Variants in HAUS6 observed in about 807,000 individuals in gnomAD.
HAUS6 encodes the protein HAUS augmin-like complex subunit 6.
A neutral mutation model predicts 106.8 loss-of-function variants in HAUS6; 80 were observed. The ratio of observed to expected loss-of-function variants is 0.75; its 90% CI spans 0.63 to 0.90. The LOEUF is 0.90. Among genes scored for constraint, HAUS6 ranks in the 40% least tolerant of loss-of-function variants. The probability of loss-of-function intolerance (pLI) is 0.00; values close to 1 mark genes in which losing one functional copy is unlikely to be tolerated. For synonymous variants in HAUS6, 356 were observed against 379.1 expected, an observed-to-expected ratio of 0.94 and a Z score of 0.71; for missense variants, 1,155 against 1,118.1, an observed-to-expected ratio of 1.03 and a Z score of -0.47.
chr9:19,060,431 T>C (rs988685822), intron 14 of HAUS6, among the ~76,000 whole-genome samples: 3 of 152,212 alleles, frequency 2.0e-5, no homozygotes, highest in Non-Finnish European at 1.5e-5. Flanking sequence ...CACTGAAGTA[T>C]TTCCTCATCT....
Position 19,058,997 on chromosome 9 carries a change from A to C in HAUS6, c.1770T>G (p.Thr590=). 1 of 1,560,214 alleles carries C rather than the reference A, an allele frequency of 6.4e-7. No individual in the cohort carries two copies. The highest frequency in any genetic ancestry group is 8.8e-7 in the Non-Finnish European group (1 of 1,135,706). The stretch of plus-strand genomic sequence containing the variant: ...CTTTTCTCCATGAGCTCCTAATTTC[A>C]GTTACTAATTAAAGGGGAGAAAAAC... ...QIPRTPENLI[T]EIRSSWRKAI... is the part of the protein sequence containing the mutation. Residue 590 remains threonine, a synonymous_variant, in exon 16 of 17, where the codon ACT becomes ACG. Transcript: ENST00000380502.
intron 7 of HAUS6, among the ~76,000 whole-genome samples, chr9:19,084,630 TTTTTC>T (rs990357825): frequency 6.9e-6 from 1 of 144,594 alleles, no homozygotes; most frequent in Non-Finnish European, 1.5e-5. Context: ...CTTTTTTTCT[TTTTTC>T]TTTTTTTTTT....
In HAUS6 at chr9:19,102,626, A is replaced by C. The variant is rs1486473106; in HGVS notation, c.26T>G (p.Phe9Cys). The change falls in exon 1 of 17, where the codon TTC (phenylalanine) becomes TGC (cysteine). Residue 9 changes from phenylalanine (F) to cysteine (C), a missense_variant. By Grantham distance (205) the Phe-to-Cys change is radical. Coordinates refer to ENST00000380502, the MANE Select transcript of HAUS6 (RefSeq NM_017645.5). MSSASVTAFEKEHLWMYLQ... is the reference protein window; with the variant it reads MSSASVTACEKEHLWMYLQ... ...ATACATCCAGAGATGCTCCTTCTCG[A>C]AAGCGGTGACCGAGGCCGAGCTCAT... 6.2e-7 allele frequency: 1 copy of C among 1,612,794 alleles called. No individual in the cohort carries two copies. Among genetic ancestry groups the C allele is most frequent in the Non-Finnish European group, 8.5e-7 (1 of 1,179,456 alleles).
chr9:19,092,929 AAAAAG>A (rs1179870550), intron 4 of HAUS6, among the ~76,000 whole-genome samples: 1 of 151,750 alleles, frequency 6.6e-6, no homozygotes, highest in Non-Finnish European at 1.5e-5. Flanking sequence ...AAAAAAAAAA[AAAAAG>A]AAATGTTTCC....
In HAUS6 at chr9:19,097,030, G is replaced by C. The variant is rs192267192; in HGVS notation, c.129-261C>G. 2.6e-5 allele frequency among the ~76,000 whole-genome samples: 4 copies of C among 152,086 alleles called. No individual in the cohort carries two copies. In the South Asian group the frequency reaches 8.3e-4, roughly 31 times the overall value. Reference sequence around the variant, plus strand: ...ATGAAAACACTCTACAGAAAAGGAAGGAAAACCTATTTCAAGAGAAACATG... The same window carrying C: ...ATGAAAACACTCTACAGAAAAGGAACGAAAACCTATTTCAAGAGAAACATG... On this transcript the variant is annotated intron_variant, in intron 1 of 16. Transcript: ENST00000380502.
chr9:19,099,161 GTTTTTTTGTGT>G (rs1297040727), intron 1 of HAUS6, among the ~76,000 whole-genome samples: 1 of 145,632 alleles, frequency 6.9e-6, no homozygotes, highest in African/African-American at 2.6e-5. Flanking sequence ...TTTTTTGTTT[GTTTTTTTGTGT>G]TTTTTTTTTT....
chr9:19,093,443 G>T (rs915068332), intron 3 of HAUS6, 140 bp from the exon 4 acceptor site: 2 of 758,790 alleles, frequency 2.6e-6, no homozygotes, highest in Non-Finnish European at 4.4e-6. Context: ...CTATAGGTTG[G>T]CGTGGGGTTC....
intron 9 of HAUS6, among the ~76,000 whole-genome samples, chr9:19,080,242 C>A (rs1185887920): frequency 4.4e-5 from 6 of 137,136 alleles, no homozygotes; most frequent in African/African-American, 1.6e-4. Context: ...AAGAAAACTA[C>A]AGAAAAGCTA....
At chr9:19,102,365 C>T (rs1213796976) in intron 1 of HAUS6, among the ~76,000 whole-genome samples, 159 bp downstream of exon 1, 1 of 152,230 alleles carries the variant, frequency 6.6e-6, no homozygotes, top group East Asian at 1.9e-4. Context: ...TGCCCCTAGG[C>T]TGGCAGCAAC....
intron 8 of HAUS6, 53 bp from the exon 9 acceptor site, chr9:19,080,725 A>C: frequency 2.1e-6 from 2 of 939,156 alleles, no homozygotes; most frequent in Non-Finnish European, 3.3e-6. Flanking sequence ...GTTACAACAA[A>C]CTATTACATA....
chr9:19,053,955 A>C lies in HAUS6; in HGVS notation c.*2388T>G, dbSNP rs1836414681. On this transcript the variant is annotated 3_prime_UTR_variant, in exon 17 of 17. Coordinates refer to ENST00000380502, the MANE Select transcript of HAUS6 (RefSeq NM_017645.5). ...AGAAAGACCACATGCAACCATAAAAAATATATAATAAAATCAATTCGTGGG... is the reference window on the plus strand; with the variant it reads ...AGAAAGACCACATGCAACCATAAAACATATATAATAAAATCAATTCGTGGG... 6.6e-6 allele frequency: 1 copy of C among 152,210 alleles called. No homozygotes were observed. Among genetic ancestry groups the C allele is most frequent in the Admixed American group, 6.5e-5 (1 of 15,282 alleles). 9.4% of individuals were successfully genotyped at this position (152,210 alleles called of 1,614,324 possible). A position where few individuals can be genotyped will look rare whatever the true frequency, so the allele number is the denominator to read the frequency against.
intron 4 of HAUS6, among the ~76,000 whole-genome samples, chr9:19,091,391 T>C (rs1817743926): frequency 6.6e-6 from 1 of 152,072 alleles, no homozygotes; most frequent in East Asian, 1.9e-4. Context: ...TCTGAACACG[T>C]TGACTGGAAT....
rs201306040 is a variant in HAUS6, at chr9:19,082,867, G to T, written c.870+6C>A. 57 of 1,429,802 alleles carry T rather than the reference G, an allele frequency of 4.0e-5. No individual in the cohort carries two copies. The highest frequency in any genetic ancestry group is 1.5e-5 in the African/African-American group (1 of 68,136). 88.6% of individuals were successfully genotyped at this position (1,429,802 alleles called of 1,614,324 possible). ...CTCAAAAGCTTCCTTAATATCAAAT[G>T]CTTACCTGAAACATTTGTTTCTCAA... On this transcript the variant is annotated splice_donor_region_variant and intron_variant, in intron 8 of 16. Transcript: ENST00000380502.
rs929669453 is a variant in HAUS6, at chr9:19,058,165, G to C, written c.2602C>G (p.Pro868Ala). 6.2e-7 allele frequency: 1 copy of C among 1,613,876 alleles called. No homozygotes were observed. Among genetic ancestry groups the C allele is most frequent in the Admixed American group, 1.7e-5 (1 of 60,024 alleles). The change falls in exon 16 of 17, where the codon CCT (proline) becomes GCT (alanine). Residue 868 changes from proline (P) to alanine (A), a missense_variant. Physicochemically the swap from Pro to Ala is conservative, Grantham distance 27. Coordinates refer to ENST00000380502, the MANE Select transcript of HAUS6 (RefSeq NM_017645.5). ...TCTGTTTGTACATTTTGGGGAGTAG[G>C]GCTCAATTCTGGTTTGTGTCTTTCG... The part of the protein sequence containing the change: ...TPERHKPELS[P>A]TPQNVQTDDT...
intron 6 of HAUS6, 29 bp downstream of exon 6, chr9:19,087,062 G>A: frequency 9.3e-7 from 1 of 1,075,318 alleles, no homozygotes; most frequent in African/African-American, 1.6e-5. Context: ...TAGTATCTAA[G>A]GCAACTTCTA....
intron 11 of HAUS6, among the ~76,000 whole-genome samples, chr9:19,074,511 A>G (rs1202465877): frequency 6.6e-6 from 1 of 152,062 alleles, no homozygotes; most frequent in Non-Finnish European, 1.5e-5. Flanking sequence ...GGCTTAAGCA[A>G]TCTTCCACCC....
intron 11 of HAUS6, among the ~76,000 whole-genome samples, 161 bp downstream of exon 11, chr9:19,076,441 T>C (rs943033065): frequency 6.6e-6 from 1 of 152,176 alleles, no homozygotes; most frequent in Admixed American, 6.6e-5. Context: ...CTGAGTTATA[T>C]ACTTTGCAAT....
chr9:19,096,817 A>C lies in HAUS6; in HGVS notation c.129-48T>G, dbSNP rs1817875290. 4 of 861,302 alleles carry C rather than the reference A, an allele frequency of 4.6e-6. No individual in the cohort carries two copies. The East Asian group carries it at 1.1e-4, about 23-fold the overall frequency. The allele number at this position is 861,302 out of a possible 1,614,324, so 53.4% of individuals were successfully genotyped here. On this transcript the variant is annotated intron_variant, in intron 1 of 16. Transcript: ENST00000380502. ...AAATAGAAAAAGAAAAAGGTTAATA[A>C]GCTAAACATCATCAAAAGCTGAGTA...
intron 4 of HAUS6, among the ~76,000 whole-genome samples, chr9:19,092,850 G>A (rs1335631338): frequency 1.3e-5 from 2 of 149,758 alleles, no homozygotes; most frequent in African/African-American, 4.9e-5. Flanking sequence ...GCTTGAACCT[G>A]GGAGGCAGAG....
Sources: allele counts gnomAD v4.1 joint callset (sites outside exome capture counted in the v4.1 genomes callset), GRCh38; gene constraint gnomAD v4.1.1; transcripts MANE v1.5; gene names NCBI Gene and HGNC (gene_info 2026-07-23, HGNC 2026-07-21).